Variants in TMEM117 observed in about 807,000 individuals in gnomAD.
TMEM117 encodes transmembrane protein 117.
A neutral mutation model predicts 52.4 loss-of-function variants in TMEM117; 27 were observed. The ratio of observed to expected loss-of-function variants is 0.51; its 90% confidence interval spans 0.38 to 0.71. The LOEUF (loss-of-function observed/expected upper bound fraction) is 0.71. TMEM117 is among the 30% of genes least tolerant of loss of function. The pLI, the probability that TMEM117 is intolerant of heterozygous loss-of-function variation, is 0.00. For synonymous variants in TMEM117, 215 were observed against 206.3 expected (o/e 1.04, Z -0.36); for missense variants, 556 against 630.5 (o/e 0.88, Z 1.26).
intron 5 of TMEM117, among the ~76,000 whole-genome samples, chr12:44,275,562 A>T (rs999140026): frequency 1.3e-5 from 2 of 152,132 alleles, no homozygotes; most frequent in African/African-American, 4.8e-5. Flanking sequence ...TCATCAACAG[A>T]TGAACAGATA....
chr12:44,010,771 A>T (rs1212053368), intron 3 of TMEM117, among the ~76,000 whole-genome samples: 1 of 152,168 alleles, frequency 6.6e-6, no homozygotes, highest in Non-Finnish European at 1.5e-5. Context: ...TGTACCTTAT[A>T]ATAAGATACT....
chr12:44,158,494 C>G (rs569377025), intron 4 of TMEM117, among the ~76,000 whole-genome samples: 29 of 152,200 alleles, frequency 1.9e-4, no homozygotes, highest in Admixed American at 1.9e-3. Context: ...AACTCCATGG[C>G]TAAAAATATA....
chr12:44,070,574 G>A (rs999027489), intron 3 of TMEM117, among the ~76,000 whole-genome samples: 3 of 152,036 alleles, frequency 2.0e-5, no homozygotes, highest in Admixed American at 1.3e-4. Context: ...TTCTCATTAG[G>A]GTCCTGCAGT....
At chr12:43,853,810 C>G (rs1943352862) in intron 2 of TMEM117, among the ~76,000 whole-genome samples, 1 of 152,080 alleles carries the variant, frequency 6.6e-6, no homozygotes, top group Admixed American at 6.6e-5. Context: ...TGGGCCAGGA[C>G]AGGGGAAGAA....
chr12:44,265,686 ACT>A lies in TMEM117; in HGVS notation c.609-33887_609-33886del, dbSNP rs541550785. 2.0e-4 allele frequency among the ~76,000 whole-genome samples: 31 copies of A among 152,112 alleles called. No homozygotes were observed. In the South Asian group the frequency reaches 4.6e-3, roughly 22 times the overall value. On this transcript the variant is annotated intron_variant, in intron 5 of 7. Transcript: ENST00000266534. ...AGGGCTTTCATAATACTGTACAACC[ACT>A]CTCTCTGATTCTGAAACATTTTCAT...
intron 3 of TMEM117, among the ~76,000 whole-genome samples, chr12:44,082,837 T>G (rs2138018044): frequency 6.6e-6 from 1 of 152,256 alleles, no homozygotes; most frequent in African/African-American, 2.4e-5. Flanking sequence ...TTGGCCTTAT[T>G]TCTCCCATGC....
intron 3 of TMEM117, among the ~76,000 whole-genome samples, chr12:43,990,538 T>C (rs73286229): frequency 6.6e-6 from 1 of 152,172 alleles, no homozygotes. Context: ...ATATAACTTA[T>C]GATATCATGG....
intron 5 of TMEM117, among the ~76,000 whole-genome samples, chr12:44,238,192 A>C (rs1453415718): frequency 2.0e-5 from 3 of 152,218 alleles, no homozygotes; most frequent in African/African-American, 7.2e-5. Flanking sequence ...CATTTATTAG[A>C]AAAGTTAAAA....
At chr12:43,879,111 C>T (rs1324751358) in intron 2 of TMEM117, among the ~76,000 whole-genome samples, 4 of 152,110 alleles carry the variant, frequency 2.6e-5, no homozygotes, top group Non-Finnish European at 5.9e-5. Flanking sequence ...AATGGATACA[C>T]ATATGAACAG....
intron 4 of TMEM117, among the ~76,000 whole-genome samples, chr12:44,202,492 G>T (rs985416397): frequency 7.2e-5 from 11 of 152,110 alleles, no homozygotes; most frequent in Non-Finnish European, 1.5e-4. Flanking sequence ...TAGGAATAAA[G>T]CCTACTTGAT....
At chr12:44,341,034 C>T (rs1565733806) in intron 6 of TMEM117, among the ~76,000 whole-genome samples, 1 of 151,940 alleles carries the variant, frequency 6.6e-6, no homozygotes, top group Non-Finnish European at 1.5e-5. Flanking sequence ...GGATTTTACT[C>T]TGTTACTCAG....
At chr12:44,096,861 A>G (rs1440106173) in intron 3 of TMEM117, among the ~76,000 whole-genome samples, 2 of 151,574 alleles carry the variant, frequency 1.3e-5, no homozygotes, top group Non-Finnish European at 2.9e-5. Context: ...AAAATTGACA[A>G]ATGGGATCTA....
intron 7 of TMEM117, among the ~76,000 whole-genome samples, chr12:44,380,075 A>C (rs1951999209): frequency 6.6e-6 from 1 of 152,198 alleles, no homozygotes; most frequent in African/African-American, 2.4e-5. Flanking sequence ...GCTCTTTGAG[A>C]CATGCTGCTG....
the TMEM117 span, among the ~76,000 whole-genome samples, chr12:44,398,126 A>G: frequency 3.3e-5 from 5 of 149,898 alleles, no homozygotes; most frequent in South Asian, 2.1e-4. Flanking sequence ...TTTTAAACCT[A>G]AGGACTTAAA....
intron 2 of TMEM117, among the ~76,000 whole-genome samples, chr12:43,928,584 T>C (rs1476438470): frequency 6.6e-6 from 1 of 152,126 alleles, no homozygotes; most frequent in East Asian, 1.9e-4. Context: ...ATGCTAGTTT[T>C]ATTTATTTAT....
At chr12:43,912,742 T>C (rs1301962627) in intron 2 of TMEM117, among the ~76,000 whole-genome samples, 1 of 152,062 alleles carries the variant, frequency 6.6e-6, no homozygotes, top group Admixed American at 6.6e-5. Flanking sequence ...CTTTTCCATG[T>C]GATTTTCAAT....
chr12:43,938,871 G>T (rs1430326519), intron 2 of TMEM117, among the ~76,000 whole-genome samples: 1 of 151,848 alleles, frequency 6.6e-6, no homozygotes, highest in Non-Finnish European at 1.5e-5. Flanking sequence ...ACGGTGGCGT[G>T]TGCCTGTAAT....
At chr12:44,144,160 C>G (rs550076507) in intron 4 of TMEM117, among the ~76,000 whole-genome samples, 1 of 152,196 alleles carries the variant, frequency 6.6e-6, no homozygotes, top group South Asian at 2.1e-4. Flanking sequence ...CTCTTTTAAT[C>G]TCTTTTGTAT....
intron 6 of TMEM117, among the ~76,000 whole-genome samples, chr12:44,362,979 A>G (rs1356378871): frequency 6.6e-6 from 1 of 151,978 alleles, no homozygotes; most frequent in Non-Finnish European, 1.5e-5. Flanking sequence ...CAGCCTCCCG[A>G]GTAGCTGGAA....
Sources: gnomAD v4.1 joint callset for allele counts (sites outside exome capture counted in the v4.1 genomes callset) on GRCh38, gnomAD v4.1.1 for gene constraint, MANE v1.5 for transcripts, NCBI Gene and HGNC (gene_info 2026-07-23, HGNC 2026-07-21) for gene names.